The following RASAL2 variants were observed in gnomAD, a reference collection of about 807,000 sequenced individuals.
The protein encoded by RASAL2 is RAS protein activator like 2.
Under a neutral mutation model 128.9 loss-of-function variants are expected in RASAL2, and 58 were observed. The observed-to-expected ratio is 0.45, with a 90% CI of 0.36 to 0.56. The LOEUF is 0.56. Among genes scored for constraint, RASAL2 ranks in the 20% least tolerant of loss-of-function variants. The probability of loss-of-function intolerance (pLI) is 0.00; values close to 1 mark genes in which losing one functional copy is unlikely to be tolerated. For missense variants in RASAL2, 1,360 were observed against 1,601.6 expected (o/e 0.85, Z 2.57); for synonymous variants, 561 against 580.8 (o/e 0.97, Z 0.49).
chr1:178,225,402 A>T (rs1317673397), intron 1 of RASAL2, among the ~76,000 whole-genome samples: 1 of 151,954 alleles, frequency 6.6e-6, no homozygotes, highest in Non-Finnish European at 1.5e-5. Context: ...GTACATACTG[A>T]TATATTAATC....
intron 4 of RASAL2, chr1:178,411,895 A>T: frequency 1.4e-6 from 1 of 696,530 alleles, no homozygotes; most frequent in Admixed American, 2.1e-5. Context: ...ACCTGGGGCC[A>T]GTCGGCCTTC....
intron 3 of RASAL2, among the ~76,000 whole-genome samples, chr1:178,353,326 T>C (rs1368236266): frequency 6.6e-6 from 1 of 152,214 alleles, no homozygotes; most frequent in Non-Finnish European, 1.5e-5. Context: ...TTCTGCCAGA[T>C]ATACTAAATC....
At chr1:178,325,797 C>G (rs939106213) in intron 3 of RASAL2, among the ~76,000 whole-genome samples, 2 of 152,160 alleles carry the variant, frequency 1.3e-5, no homozygotes, top group Non-Finnish European at 2.9e-5. Context: ...AAATGTGTTA[C>G]TGCAGTTGAT....
chr1:178,319,306 C>T (rs1434593992), intron 3 of RASAL2, among the ~76,000 whole-genome samples: 10 of 151,786 alleles, frequency 6.6e-5, no homozygotes, highest in African/African-American at 1.5e-4. Flanking sequence ...ATCTTTATGG[C>T]GTTCTCTGTA....
At chr1:178,218,546 G>A (rs946245085) in intron 1 of RASAL2, among the ~76,000 whole-genome samples, 1 of 152,138 alleles carries the variant, frequency 6.6e-6, no homozygotes, top group Non-Finnish European at 1.5e-5. Context: ...AATTAGCCAG[G>A]CATGATGGCA....
chr1:178,214,292 A>G (rs543465466), intron 1 of RASAL2, among the ~76,000 whole-genome samples: 26 of 151,320 alleles, frequency 1.7e-4, no homozygotes, highest in African/African-American at 3.7e-4. Context: ...TGAATGAATG[A>G]ATGGATGAAT....
intron 1 of RASAL2, chr1:178,123,131 CCAA>C (rs1312071685): frequency 6.6e-6 from 1 of 152,174 alleles, no homozygotes; most frequent in Admixed American, 6.6e-5. Context: ...CCATCTCTCA[CCAA>C]TCAGAATATC....
intron 3 of RASAL2, among the ~76,000 whole-genome samples, chr1:178,348,418 T>C (rs1489605392): frequency 6.6e-6 from 1 of 152,136 alleles, no homozygotes; most frequent in Non-Finnish European, 1.5e-5. Context: ...CTCAGCCTTC[T>C]GAGTAGCTGG....
At chr1:178,227,266 T>C (rs778754310) in intron 1 of RASAL2, among the ~76,000 whole-genome samples, 1 of 152,220 alleles carries the variant, frequency 6.6e-6, no homozygotes, top group Non-Finnish European at 1.5e-5. Flanking sequence ...TGCTACAGTT[T>C]AGCGTCTTGT....
chr1:178,267,654 C>G (rs1317435081), intron 1 of RASAL2, among the ~76,000 whole-genome samples: 1 of 137,038 alleles, frequency 7.3e-6, no homozygotes, highest in Non-Finnish European at 1.5e-5. Flanking sequence ...GGGAGTCTTG[C>G]TCTGTCGCCC....
At chr1:178,226,763 A>G (rs1663804203) in intron 1 of RASAL2, among the ~76,000 whole-genome samples, 1 of 152,168 alleles carries the variant, frequency 6.6e-6, no homozygotes, top group Admixed American at 6.5e-5. Flanking sequence ...CCTGGCCAAC[A>G]TGGCCCGTCC....
intron 1 of RASAL2, among the ~76,000 whole-genome samples, chr1:178,172,312 A>C (rs1427426120): frequency 1.3e-5 from 2 of 152,032 alleles, no homozygotes; most frequent in Non-Finnish European, 2.9e-5. Flanking sequence ...TAATGTGTAG[A>C]AATGGTGGTG....
At chr1:178,164,510 T>C (rs796338127) in intron 1 of RASAL2, among the ~76,000 whole-genome samples, 34 of 138,864 alleles carry the variant, frequency 2.4e-4, no homozygotes, top group South Asian at 9.0e-4. Flanking sequence ...TGTGTGCGTG[T>C]GTGTGTGTGT....
At chr1:178,317,234 GAT>G (rs1668530689) in intron 3 of RASAL2, among the ~76,000 whole-genome samples, 1 of 134,882 alleles carries the variant, frequency 7.4e-6, no homozygotes, top group Admixed American at 7.1e-5. Flanking sequence ...GTTCATCAAG[GAT>G]ATTGGTCTAA....
chr1:178,202,926 C>T (rs1662922728), intron 1 of RASAL2, among the ~76,000 whole-genome samples: 1 of 152,240 alleles, frequency 6.6e-6, no homozygotes, highest in African/African-American at 2.4e-5. Context: ...TGGACTTCCA[C>T]TTACCAAGGC....
At chr1:178,238,381 G>GA (rs1266781688) in intron 1 of RASAL2, among the ~76,000 whole-genome samples, 3 of 152,048 alleles carry the variant, frequency 2.0e-5, no homozygotes, top group African/African-American at 4.8e-5. Context: ...GAACATTCAT[G>GA]AACAAATTTT....
At position 178,267,605 on chromosome 1, in the gene RASAL2, C is replaced by T. The variant is rs555638660; in HGVS notation, c.203-15959C>T. 6.9e-5 allele frequency among the ~76,000 whole-genome samples: 10 copies of T among 145,492 alleles called. No homozygotes were observed. The South Asian group carries it at 1.3e-3, about 19-fold the overall frequency. On this transcript the variant is annotated intron_variant, in intron 1 of 17. Transcript: ENST00000367649. ...ACTCAAGGTCGATAATACCAGGTAA[C>T]GTATCAGATCTAGTGTCTTTTTTTT...
chr1:178,217,658 T>A (rs1044726783), intron 1 of RASAL2, among the ~76,000 whole-genome samples: 3 of 152,234 alleles, frequency 2.0e-5, no homozygotes, highest in African/African-American at 7.2e-5. Flanking sequence ...TACCTGAATT[T>A]AAAATTTTTT....
chr1:178,260,212 G>A (rs989419782), intron 1 of RASAL2, among the ~76,000 whole-genome samples: 1 of 149,688 alleles, frequency 6.7e-6, no homozygotes, highest in African/African-American at 2.5e-5. Flanking sequence ...AATTAGCCGG[G>A]CGTGGTGGCT....
Sources: allele counts gnomAD v4.1 joint callset (sites outside exome capture counted in the v4.1 genomes callset), GRCh38; gene constraint gnomAD v4.1.1; transcripts MANE v1.5; gene names NCBI Gene and HGNC (gene_info 2026-07-23, HGNC 2026-07-21).